The following ANXA11 variants were observed in gnomAD, a reference collection of about 807,000 sequenced individuals.
The protein encoded by ANXA11 is 56 kDa autoantigen.
ANXA11 carries 57 observed loss-of-function variants against 64.7 expected under a neutral mutation model. That is an observed-to-expected ratio of 0.88 (90% confidence interval 0.71 to 1.10). ANXA11 has a LOEUF of 1.10. ANXA11 is among the 50% of genes least tolerant of loss of function. ANXA11 has a pLI of 0.00. For missense variants in ANXA11, 675 were observed against 670.7 expected, an observed-to-expected ratio of 1.01 and a Z score of -0.07; for synonymous variants, 260 against 265.2, an observed-to-expected ratio of 0.98 and a Z score of 0.19.
At chr10:80,159,065 C>T (rs1387389924) in intron 13 of ANXA11, 35 bp downstream of exon 13, 1 of 1,527,692 alleles carries the variant, frequency 6.5e-7, no homozygotes, top group African/African-American at 1.4e-5. Flanking sequence ...ACACGTTAGC[C>T]CCTGGCAGGT....
At chr10:80,173,806 GCTT>G (rs1404391407) in intron 2 of ANXA11, among the ~76,000 whole-genome samples, 1 of 152,178 alleles carries the variant, frequency 6.6e-6, no homozygotes, top group Non-Finnish European at 1.5e-5. Flanking sequence ...CGAGTATGTG[GCTT>G]CTTTTTACAC....
At chr10:80,203,605 A>G (rs1344109269) in intron 1 of ANXA11, among the ~76,000 whole-genome samples, 4 of 152,182 alleles carry the variant, frequency 2.6e-5, no homozygotes, top group African/African-American at 7.2e-5. Context: ...AGTCAGAAAC[A>G]GCCCCCACCC....
chr10:80,151,460 T>C lies in ANXA11; in HGVS notation c.*4393A>G, dbSNP rs960909156. ...ATGGGGGTGAAAATGTAAACCTTTA[T>C]CTTTCTGAGGACATGTATTTAGCTT... On this transcript the variant is annotated 3_prime_UTR_variant, in exon 16 of 16. Coordinates refer to ENST00000422982, the MANE Select transcript of ANXA11 (RefSeq NM_145868.2). 8 of 152,290 alleles carry C rather than the reference T, an allele frequency of 5.3e-5. No homozygotes were observed. The highest frequency in any genetic ancestry group is 5.2e-4 in the Admixed American group (8 of 15,300). 9.4% of individuals were successfully genotyped at this position (152,290 alleles called of 1,614,324 possible). A position where few individuals can be genotyped will look rare whatever the true frequency, so the allele number is the denominator to read the frequency against.
chr10:80,178,679 C>A (rs1457589373), intron 1 of ANXA11, among the ~76,000 whole-genome samples: 16 of 152,244 alleles, frequency 1.1e-4, no homozygotes, highest in Admixed American at 5.9e-4. Context: ...CCTCCAGAGT[C>A]TTTGAATCAG....
chr10:80,177,235 C>G (rs929193502), intron 1 of ANXA11, among the ~76,000 whole-genome samples: 8 of 152,078 alleles, frequency 5.3e-5, no homozygotes, highest in Non-Finnish European at 1.2e-4. Flanking sequence ...ATGATCCGCC[C>G]GCCTCAGCCT....
chr10:80,199,475 A>G (rs901393291), intron 1 of ANXA11, among the ~76,000 whole-genome samples: 3 of 152,090 alleles, frequency 2.0e-5, no homozygotes, highest in African/African-American at 7.2e-5. Context: ...ATGCAAAGAA[A>G]AACAGAGGTG....
At chr10:80,188,632 T>C (rs920782133) in intron 1 of ANXA11, among the ~76,000 whole-genome samples, 2 of 151,776 alleles carry the variant, frequency 1.3e-5, no homozygotes, top group African/African-American at 4.8e-5. Context: ...GTGACCCCCC[T>C]GGGCAACTTA....
At chr10:80,168,581 G>A (rs535016494) in intron 5 of ANXA11, among the ~76,000 whole-genome samples, 15 of 152,248 alleles carry the variant, frequency 9.9e-5, no homozygotes, top group African/African-American at 3.6e-4. Context: ...CTAGGCTGGA[G>A]TGAGTGCAGC....
intron 6 of ANXA11, 37 bp from the exon 7 acceptor site, chr10:80,167,021 G>T (rs1319813771): frequency 4.1e-6 from 6 of 1,477,216 alleles, no homozygotes; most frequent in African/African-American, 1.4e-5. Context: ...TCGGGTAGGG[G>T]TCATGAGATG....
At chr10:80,163,968 G>A (rs1178876092) in intron 9 of ANXA11, 85 bp downstream of exon 9, 2 of 1,175,830 alleles carry the variant, frequency 1.7e-6, no homozygotes, top group African/African-American at 1.5e-5. Flanking sequence ...GGAGTAAAAG[G>A]CCCTAGGAGA....
At chr10:80,156,533 A>G in intron 15 of ANXA11, 1 of 458,506 alleles carries the variant, frequency 2.2e-6, no homozygotes, top group Middle Eastern at 3.3e-4. Flanking sequence ...TTTTTTTTTG[A>G]GACGAAGTCT....
intron 1 of ANXA11, among the ~76,000 whole-genome samples, chr10:80,199,081 A>C (rs1840302015): frequency 6.6e-6 from 1 of 150,444 alleles, no homozygotes; most frequent in African/African-American, 2.5e-5. Flanking sequence ...CGAAGATTCC[A>C]TCTTCAAGAT....
At chr10:80,176,291 A>G (rs568003743) in intron 1 of ANXA11, 136 bp from the exon 2 acceptor site, 1 of 152,366 alleles carries the variant, frequency 6.6e-6, no homozygotes, top group East Asian at 1.9e-4. Context: ...TTCTGGATTT[A>G]GCCAGCTCTG....
intron 1 of ANXA11, among the ~76,000 whole-genome samples, chr10:80,194,145 T>C (rs894689794): frequency 2.6e-5 from 4 of 152,214 alleles, no homozygotes; most frequent in African/African-American, 9.6e-5. Context: ...ACATCTGCAG[T>C]AGGTCCAGGT....
At chr10:80,163,926 G>T in intron 9 of ANXA11, 127 bp downstream of exon 9, 1 of 760,448 alleles carries the variant, frequency 1.3e-6, no homozygotes, top group Non-Finnish European at 2.1e-6. Flanking sequence ...TATTGGGGGT[G>T]GCAGAAGATG....
At position 80,169,309 on chromosome 10, in the gene ANXA11, T is replaced by G. The variant is rs1845882730; in HGVS notation, c.221A>C (p.Tyr74Ser). 3 of 1,610,932 alleles carry G rather than the reference T, an allele frequency of 1.9e-6. No homozygotes were observed. The highest frequency in any genetic ancestry group is 2.5e-6 in the Non-Finnish European group (3 of 1,179,804). The change falls in exon 5 of 16, where the codon TAC becomes TCC. Residue 74 changes from tyrosine to serine, a missense_variant. Tyr to Ser is a moderately radical substitution (Grantham distance 144). Transcript: ENST00000422982. ...GTAGCCAGCCCCAGGGGCCCCAGGG[T>G]ACAGGTTGGGCATGTTGGCTCCTCC... ...TFGGANMPNL[Y>S]PGAPGAGYPP...
At chr10:80,162,144 T>C (rs545911321) in intron 11 of ANXA11, 116 bp from the exon 12 acceptor site, 534 of 808,164 alleles carry the variant, frequency 6.6e-4, no homozygotes, top group Non-Finnish European at 9.5e-4. Flanking sequence ...TTTGCCAATT[T>C]GCAACCTCTG....
At chr10:80,156,831 T>C (rs1845295448) in intron 15 of ANXA11, 1 of 227,940 alleles carries the variant, frequency 4.4e-6, no homozygotes, top group Admixed American at 6.5e-5. Flanking sequence ...TAACAACAGC[T>C]TCATTCATAC....
intron 10 of ANXA11, 42 bp downstream of exon 10, chr10:80,163,489 ACTT>A: frequency 6.2e-7 from 1 of 1,605,038 alleles, no homozygotes; most frequent in Non-Finnish European, 8.5e-7. Context: ...CATCTCTTTG[ACTT>A]CCATGGCTTG....
Sources: allele counts gnomAD v4.1 joint callset (sites outside exome capture counted in the v4.1 genomes callset), GRCh38; gene constraint gnomAD v4.1.1; transcripts MANE v1.5; gene names NCBI Gene and HGNC (gene_info 2026-07-23, HGNC 2026-07-21).